Variants in FOXP1 observed in about 807,000 individuals in gnomAD.
FOXP1 encodes the protein forkhead box P1, also known as forkhead box protein P1.
A neutral mutation model predicts 98.2 loss-of-function variants in FOXP1; 15 were observed. The ratio of observed to expected loss-of-function variants is 0.15; its 90% CI spans 0.10 to 0.24. FOXP1 has a LOEUF of 0.24. FOXP1 is among the 10% of genes least tolerant of loss of function. The probability of loss-of-function intolerance (pLI) is 1.00; values close to 1 mark genes in which losing one functional copy is unlikely to be tolerated. For missense variants in FOXP1, 633 were observed against 848.5 expected, an observed-to-expected ratio of 0.75 and a Z score of 3.15; for synonymous variants, 371 against 314.5, an observed-to-expected ratio of 1.18 and a Z score of -1.90.
At chr3:70,993,219 T>C (rs1412946294) in intron 13 of FOXP1, among the ~76,000 whole-genome samples, 1 of 152,232 alleles carries the variant, frequency 6.6e-6, no homozygotes, top group Admixed American at 6.5e-5. Context: ...GAGCTTACAA[T>C]TCCTGGTGTA....
chr3:71,442,707 T>C (rs1374347883), intron 3 of FOXP1, among the ~76,000 whole-genome samples: 2 of 152,066 alleles, frequency 1.3e-5, no homozygotes, highest in African/African-American at 4.8e-5. Flanking sequence ...CTCCCACGTC[T>C]GGATTTGTCA....
At chr3:71,104,766 T>C (rs925396560) in intron 7 of FOXP1, among the ~76,000 whole-genome samples, 1 of 151,596 alleles carries the variant, frequency 6.6e-6, no homozygotes, top group Admixed American at 6.6e-5. Flanking sequence ...ATCCTGAACA[T>C]TACCGGACGC....
intron 4 of FOXP1, among the ~76,000 whole-genome samples, chr3:71,309,186 A>G (rs2074514625): frequency 6.6e-6 from 1 of 152,132 alleles, no homozygotes; most frequent in Admixed American, 6.5e-5. Flanking sequence ...CTGTCTCCTC[A>G]TCTATCCATC....
chr3:71,227,200 C>A (rs933290056), intron 5 of FOXP1, among the ~76,000 whole-genome samples: 17 of 152,078 alleles, frequency 1.1e-4, no homozygotes, highest in African/African-American at 4.1e-4. Context: ...ATGGTGACAT[C>A]GGGCAGCTTT....
At chr3:71,105,438 T>A (rs1032475168) in intron 7 of FOXP1, among the ~76,000 whole-genome samples, 2 of 152,148 alleles carry the variant, frequency 1.3e-5, no homozygotes. Flanking sequence ...AACTAATGAC[T>A]CCAACCCTAG....
At position 70,955,823 on chromosome 3, in the gene FOXP1, C is replaced by T. The variant is rs886058824; in HGVS notation, c.*3424G>A. Reference sequence around the variant, plus strand: ...GTATCAAAAAACAGATTAACACACACGCACGCGCGCACACACACACACACA... The same window carrying T: ...GTATCAAAAAACAGATTAACACACATGCACGCGCGCACACACACACACACA... On this transcript the variant is annotated 3_prime_UTR_variant, in exon 21 of 21. Coordinates refer to ENST00000649528, the MANE Select transcript of FOXP1 (RefSeq NM_001349338.3). The T allele has an allele frequency of 2.1e-4, 47 of 223,516 alleles. No homozygotes were observed. Among genetic ancestry groups the T allele is most frequent in the Admixed American group, 5.2e-4 (9 of 17,404 alleles). The allele number at this position is 223,516 out of a possible 1,614,324, so 13.8% of individuals were successfully genotyped here.
intron 5 of FOXP1, among the ~76,000 whole-genome samples, chr3:71,271,042 C>T (rs1485417554): frequency 6.6e-6 from 1 of 152,162 alleles, no homozygotes; most frequent in Non-Finnish European, 1.5e-5. Context: ...ACCAGCTTGG[C>T]CAATATGGTG....
chr3:71,307,455 C>T (rs2074357663), intron 4 of FOXP1, among the ~76,000 whole-genome samples: 1 of 152,088 alleles, frequency 6.6e-6, no homozygotes, highest in Non-Finnish European at 1.5e-5. Context: ...GGAGAAAAGG[C>T]AAACAAAATA....
At chr3:71,582,441 C>T in intron 1 of FOXP1, 1 of 985,296 alleles carries the variant, frequency 1.0e-6, no homozygotes, top group Non-Finnish European at 1.2e-6. Context: ...TCCAGGGAGT[C>T]GTCTCGGCGG....
intron 3 of FOXP1, among the ~76,000 whole-genome samples, chr3:71,386,720 T>C (rs2080609875): frequency 8.1e-6 from 1 of 123,824 alleles, no homozygotes; most frequent in South Asian, 2.3e-4. Context: ...TCTAGCCTGT[T>C]GACAAAGCAA....
At chr3:71,399,467 A>T (rs1308087263) in intron 3 of FOXP1, among the ~76,000 whole-genome samples, 2 of 152,260 alleles carry the variant, frequency 1.3e-5, no homozygotes, top group African/African-American at 4.8e-5. Flanking sequence ...AAGTTTCAAA[A>T]TAAGCAGCTA....
At chr3:71,050,675 A>G (rs1270687804) in intron 9 of FOXP1, among the ~76,000 whole-genome samples, 1 of 152,360 alleles carries the variant, frequency 6.6e-6, no homozygotes, top group East Asian at 1.9e-4. Flanking sequence ...GTGCTTCAAA[A>G]GTGGGTTTTT....
At chr3:71,473,079 C>T (rs567507224) in intron 3 of FOXP1, among the ~76,000 whole-genome samples, 9 of 152,310 alleles carry the variant, frequency 5.9e-5, no homozygotes, top group Admixed American at 3.9e-4. Flanking sequence ...GTAACCACTA[C>T]ACTCCATTAG....
chr3:71,311,263 A>C (rs1553837618), intron 4 of FOXP1, among the ~76,000 whole-genome samples: 1 of 151,872 alleles, frequency 6.6e-6, no homozygotes, highest in South Asian at 2.1e-4. Context: ...TAGTTTTTTC[A>C]ATTTTTTGTA....
intron 2 of FOXP1, among the ~76,000 whole-genome samples, chr3:71,496,985 T>TGTGTGTGTGTGTGTGTGTGTGTGTGTG (rs1560567356): frequency 6.6e-6 from 1 of 151,030 alleles, no homozygotes; most frequent in African/African-American, 2.4e-5. Context: ...TGTGTGTGTG[T>TGTGTGTGTGTGTGTGTGTGTGTGTGTG]TGTTAAGAAT....
At chr3:71,009,645 C>T (rs2043297619) in intron 12 of FOXP1, among the ~76,000 whole-genome samples, 1 of 152,094 alleles carries the variant, frequency 6.6e-6, no homozygotes, top group Non-Finnish European at 1.5e-5. Context: ...ATTACTCATC[C>T]TTGAAAAATA....
intron 6 of FOXP1, among the ~76,000 whole-genome samples, chr3:71,155,530 C>CATGGGACCAGGAGCCA (rs2060779071): frequency 6.6e-6 from 1 of 152,076 alleles, no homozygotes; most frequent in Non-Finnish European, 1.5e-5. Context: ...CTCAAGAGCC[C>CATGGGACCAGGAGCCA]CATGGGACCA....
At chr3:71,189,295 A>G (rs2062830674) in intron 6 of FOXP1, among the ~76,000 whole-genome samples, 1 of 152,236 alleles carries the variant, frequency 6.6e-6, no homozygotes, top group African/African-American at 2.4e-5. Flanking sequence ...GTTCTCTCAA[A>G]GAGATAAGCC....
chr3:71,520,262 T>A (rs1340380536), intron 2 of FOXP1, among the ~76,000 whole-genome samples: 9 of 152,228 alleles, frequency 5.9e-5, no homozygotes, highest in Admixed American at 5.2e-4. Context: ...GAAAAATAGA[T>A]CATTTTACAT....
Sources: allele counts gnomAD v4.1 joint callset (sites outside exome capture counted in the v4.1 genomes callset), GRCh38; gene constraint gnomAD v4.1.1; transcripts MANE v1.5; gene names NCBI Gene and HGNC (gene_info 2026-07-23, HGNC 2026-07-21).